The following ARHGAP18 variants were observed in gnomAD, a reference collection of about 807,000 sequenced individuals.
The protein encoded by ARHGAP18 is Rho GTPase activating protein 18.
Under a neutral mutation model 86.2 loss-of-function variants are expected in ARHGAP18, and 67 were observed. The observed-to-expected ratio is 0.78, with a 90% CI of 0.64 to 0.95. ARHGAP18 has a LOEUF of 0.95. ARHGAP18 is among the 40% of genes least tolerant of loss of function. The probability of loss-of-function intolerance (pLI) is 0.00; values close to 1 mark genes in which losing one functional copy is unlikely to be tolerated. For missense variants in ARHGAP18, 691 were observed against 780.4 expected (o/e 0.89, Z 1.37); for synonymous variants, 283 against 280.4 (o/e 1.01, Z -0.09).
chr6:129,603,420 ACTT>A (rs1207468828), intron 10 of ARHGAP18, among the ~76,000 whole-genome samples: 16 of 152,000 alleles, frequency 1.1e-4, no homozygotes, highest in Admixed American at 6.6e-4. Context: ...ACTCATGAGA[ACTT>A]CTCCTGTTTC....
intron 1 of ARHGAP18, among the ~76,000 whole-genome samples, chr6:129,694,122 A>G (rs1249566480): frequency 6.6e-6 from 1 of 152,234 alleles, no homozygotes; most frequent in East Asian, 1.9e-4. Flanking sequence ...AAGGGAGTAG[A>G]GCTTTTATTA....
intron 7 of ARHGAP18, 96 bp from the exon 8 acceptor site, chr6:129,611,706 A>T: frequency 2.0e-6 from 2 of 999,812 alleles, no homozygotes; most frequent in Non-Finnish European, 3.0e-6. Context: ...AACTGATTAC[A>T]ATGACATGTA....
At chr6:129,704,002 A>G (rs79138809) in intron 1 of ARHGAP18, among the ~76,000 whole-genome samples, 1 of 137,896 alleles carries the variant, frequency 7.3e-6, no homozygotes, top group Non-Finnish European at 1.6e-5. Flanking sequence ...TCAGGTAATA[A>G]TACACTAATT....
intron 1 of ARHGAP18, among the ~76,000 whole-genome samples, chr6:129,648,250 A>G (rs2114506148): frequency 6.6e-6 from 1 of 151,848 alleles, no homozygotes; most frequent in African/African-American, 2.4e-5. Context: ...AGCTCACTGC[A>G]GCCTCAAGCT....
At chr6:129,701,625 C>T (rs1451968578) in intron 1 of ARHGAP18, among the ~76,000 whole-genome samples, 1 of 152,064 alleles carries the variant, frequency 6.6e-6, no homozygotes, top group African/African-American at 2.4e-5. Context: ...CAAAAATTAG[C>T]CAGGCGTAGT....
intron 1 of ARHGAP18, among the ~76,000 whole-genome samples, chr6:129,707,990 T>C (rs1404307560): frequency 6.6e-6 from 1 of 152,032 alleles, no homozygotes. Flanking sequence ...CATTCTTAGG[T>C]GGTCACCGAG....
At chr6:129,594,442 T>C (rs531125564) in intron 12 of ARHGAP18, among the ~76,000 whole-genome samples, 1 of 152,278 alleles carries the variant, frequency 6.6e-6, no homozygotes, top group Non-Finnish European at 1.5e-5. Flanking sequence ...TACTTAAACA[T>C]TGGAATCCCC....
chr6:129,708,869 G>A (rs1213352244), intron 1 of ARHGAP18, among the ~76,000 whole-genome samples: 1 of 152,096 alleles, frequency 6.6e-6, no homozygotes, highest in African/African-American at 2.4e-5. Context: ...AAAATGAAAT[G>A]GTAACACAGC....
chr6:129,584,761 A>G (rs552965797), intron 12 of ARHGAP18, among the ~76,000 whole-genome samples: 2 of 152,220 alleles, frequency 1.3e-5, no homozygotes, highest in Non-Finnish European at 2.9e-5. Flanking sequence ...TAGAAATATT[A>G]GTCTTAATTA....
intron 1 of ARHGAP18, among the ~76,000 whole-genome samples, chr6:129,678,812 T>C (rs1774277714): frequency 6.6e-6 from 1 of 152,200 alleles, no homozygotes. Context: ...AATTTCTAAG[T>C]GCTTAAATTT....
intron 1 of ARHGAP18, among the ~76,000 whole-genome samples, chr6:129,652,518 A>G (rs1348788813): frequency 6.6e-6 from 1 of 152,176 alleles, no homozygotes; most frequent in Non-Finnish European, 1.5e-5. Context: ...ACCTCCCCTC[A>G]TATTCTTGAA....
At chr6:129,584,183 T>C (rs1453448226) in intron 12 of ARHGAP18, 71 bp from the exon 13 acceptor site, 15 of 1,581,272 alleles carry the variant, frequency 9.5e-6, no homozygotes, top group Admixed American at 1.7e-5. Context: ...ATGCATTATA[T>C]AGTAAGTGTG....
chr6:129,677,252 G>A (rs927088497), intron 1 of ARHGAP18, among the ~76,000 whole-genome samples: 3 of 152,088 alleles, frequency 2.0e-5, no homozygotes, highest in Admixed American at 6.6e-5. Flanking sequence ...AATTAGCCAG[G>A]TGCGGTGGCG....
At chr6:129,648,261 C>T (rs1015019809) in intron 1 of ARHGAP18, among the ~76,000 whole-genome samples, 1 of 151,790 alleles carries the variant, frequency 6.6e-6, no homozygotes. Flanking sequence ...GCCTCAAGCT[C>T]CTGGGCTCAA....
intron 13 of ARHGAP18, 65 bp from the exon 14 acceptor site, chr6:129,580,196 C>T (rs368516363): frequency 1.3e-5 from 18 of 1,402,338 alleles, no homozygotes; most frequent in Middle Eastern, 1.8e-4. Flanking sequence ...ATCACTTTAA[C>T]GTGCTTGGGG....
At chr6:129,638,271 A>T (rs1773374201) in intron 3 of ARHGAP18, 123 bp downstream of exon 3, 5 of 955,556 alleles carry the variant, frequency 5.2e-6, no homozygotes, top group Non-Finnish European at 7.9e-6. Flanking sequence ...GCAAGCATAG[A>T]GCTTTGGTGC....
At chr6:129,627,601 T>G (rs1789507625) in intron 5 of ARHGAP18, among the ~76,000 whole-genome samples, 1 of 150,040 alleles carries the variant, frequency 6.7e-6, no homozygotes, top group South Asian at 2.1e-4. Flanking sequence ...TTTAATAAAT[T>G]AATGAGGAGG....
chr6:129,681,262 GAGA>G (rs1774320327), intron 1 of ARHGAP18, among the ~76,000 whole-genome samples: 1 of 152,190 alleles, frequency 6.6e-6, no homozygotes, highest in Non-Finnish European at 1.5e-5. Context: ...ATTTTTGGTA[GAGA>G]CAGGGTTTTA....
chr6:129,596,442 G>A (rs566294929), intron 12 of ARHGAP18, among the ~76,000 whole-genome samples: 8 of 152,152 alleles, frequency 5.3e-5, no homozygotes, highest in Admixed American at 1.3e-4. Flanking sequence ...ATAGTGCCAG[G>A]GGATCTCCTT....
Sources: gnomAD v4.1 joint callset for allele counts (sites outside exome capture counted in the v4.1 genomes callset) on GRCh38, gnomAD v4.1.1 for gene constraint, MANE v1.5 for transcripts, NCBI Gene and HGNC (gene_info 2026-07-23, HGNC 2026-07-21) for gene names.